PHB1: variants seen among roughly 807,000 people sequenced by gnomAD.
PHB1 encodes the protein prohibitin 1, also known as epididymis luminal protein 215.
the PHB1 span, among the ~76,000 whole-genome samples, chr17:49,410,829 A>G: frequency 6.6e-6 from 1 of 152,264 alleles, no homozygotes; most frequent in African/African-American, 2.4e-5. Flanking sequence ...AAACAGACGT[A>G]AAAGCACTCT....
chr17:49,409,736 C>T, the PHB1 span, among the ~76,000 whole-genome samples: 1 of 151,928 alleles, frequency 6.6e-6, no homozygotes, highest in East Asian at 1.9e-4. Context: ...GACAGGGTGT[C>T]ACCATGTTAG....
At chr17:49,409,083 G>A in the PHB1 span, 4 of 1,612,202 alleles carry the variant, frequency 2.5e-6, no homozygotes, top group African/African-American at 2.7e-5. Flanking sequence ...GTGGCGGCTC[G>A]CTCTGTAAGG....
At chr17:49,409,494 C>T in the PHB1 span, 3 of 1,574,296 alleles carry the variant, frequency 1.9e-6, no homozygotes, top group Non-Finnish European at 2.6e-6. Context: ...GGGACAAACA[C>T]TGGAGTTAAA....
chr17:49,404,063 G>C, the PHB1 span: 1 of 152,490 alleles, frequency 6.6e-6, no homozygotes, highest in African/African-American at 2.4e-5. Flanking sequence ...GAGCCGGAAG[G>C]TCTGGGTGTC....
chr17:49,404,753 C>T, the PHB1 span: 1 of 549,992 alleles, frequency 1.8e-6, no homozygotes, highest in Non-Finnish European at 3.3e-6. Flanking sequence ...TTTGCATAGG[C>T]ACTTGGCAAT....
At chr17:49,411,225 G>C in the PHB1 span, among the ~76,000 whole-genome samples, 1 of 135,276 alleles carries the variant, frequency 7.4e-6, no homozygotes, top group Non-Finnish European at 1.5e-5. Flanking sequence ...TTTTGAGACA[G>C]AGTCTCACTC....
the PHB1 span, chr17:49,406,688 C>T: frequency 0.028 from 30,102 of 1,076,212 alleles, 524 homozygotes; most frequent in Non-Finnish European, 0.033. Context: ...TCCAGGCCAC[C>T]CAGCAAATGG....
At chr17:49,413,827 A>G in the PHB1 span, among the ~76,000 whole-genome samples, 37 of 151,794 alleles carry the variant, frequency 2.4e-4, no homozygotes, top group African/African-American at 9.0e-4. Context: ...TTTTTTTCTC[A>G]ACCATTTAAA....
At chr17:49,406,606 C>T in the PHB1 span, 6 of 664,500 alleles carry the variant, frequency 9.0e-6, no homozygotes, top group Non-Finnish European at 1.7e-5. Flanking sequence ...GACTCTGGAA[C>T]CAATTGCAGA....
the PHB1 span, chr17:49,411,956 C>G: frequency 1.1e-6 from 1 of 894,936 alleles, no homozygotes; most frequent in Non-Finnish European, 1.7e-6. Context: ...CCCCTCTTCT[C>G]TCTGTCTTCC....
At chr17:49,412,207 T>A in the PHB1 span, 1 of 190,446 alleles carries the variant, frequency 5.3e-6, no homozygotes, top group African/African-American at 2.3e-5. Flanking sequence ...CACATATCCA[T>A]CGGGCTCCAA....
At chr17:49,408,998 G>A in the PHB1 span, 1 of 1,248,376 alleles carries the variant, frequency 8.0e-7, no homozygotes, top group African/African-American at 1.5e-5. Context: ...ACCTAAACGA[G>A]AACTGCAGCC....
chr17:49,409,197 A>G, the PHB1 span: 1 of 1,579,848 alleles, frequency 6.3e-7, no homozygotes, highest in Admixed American at 1.7e-5. Flanking sequence ...AGGTCAGGTT[A>G]ATGAGGAAGC....
chr17:49,413,188 G>A, the PHB1 span: 1 of 1,611,926 alleles, frequency 6.2e-7, no homozygotes, highest in East Asian at 2.2e-5. Context: ...ATTATATAAG[G>A]CAGAGTTCAC....
chr17:49,411,340 A>G, the PHB1 span, among the ~76,000 whole-genome samples: 3 of 151,646 alleles, frequency 2.0e-5, no homozygotes, highest in East Asian at 5.8e-4. Context: ...AGCTGGGATT[A>G]CAGGCACCCC....
At chr17:49,413,945 A>T in the PHB1 span, among the ~76,000 whole-genome samples, 1 of 152,188 alleles carries the variant, frequency 6.6e-6, no homozygotes, top group Non-Finnish European at 1.5e-5. Context: ...CTGGACAAGT[A>T]GGCCCCCAAA....
chr17:49,404,967 G>T, the PHB1 span: 13 of 1,498,838 alleles, frequency 8.7e-6, no homozygotes, highest in South Asian at 1.2e-5. Context: ...CAGTCAGCCC[G>T]CGGAGGTGCA....
At chr17:49,410,965 G>A in the PHB1 span, among the ~76,000 whole-genome samples, 19 of 152,158 alleles carry the variant, frequency 1.2e-4, no homozygotes, top group African/African-American at 3.4e-4. Flanking sequence ...GGCCTGCCTG[G>A]AGCCAAAGCA....
chr17:49,404,914 G>A, the PHB1 span: 2 of 934,642 alleles, frequency 2.1e-6, no homozygotes, highest in South Asian at 1.4e-5. Flanking sequence ...TCTGGGGTGG[G>A]AGCAGAAGGA....
Sources: gnomAD v4.1 joint callset for allele counts (sites outside exome capture counted in the v4.1 genomes callset) on GRCh38, gnomAD v4.1.1 for gene constraint, MANE v1.5 for transcripts, NCBI Gene and HGNC (gene_info 2026-07-23, HGNC 2026-07-21) for gene names.